Variants in RNF157 observed in about 807,000 individuals in gnomAD.
The protein encoded by RNF157 is E3 ubiquitin ligase RNF157.
In RNF157, 55 loss-of-function variants were observed where a neutral mutation model predicts 88.3. That is an observed-to-expected ratio of 0.62 (90% CI 0.50 to 0.78). The LOEUF is 0.78. Among genes scored for constraint, RNF157 ranks in the 30% least tolerant of loss-of-function variants. The pLI is 0.00. For synonymous variants in RNF157, 334 were observed against 341.2 expected (o/e 0.98, Z 0.23); for missense variants, 788 against 860.8 (o/e 0.92, Z 1.06).
chr17:76,161,757 C>T lies in RNF157; in HGVS notation c.952+86G>A. The T allele has an allele frequency of 6.5e-7, 1 of 1,550,166 alleles. No homozygotes were observed. The highest frequency in any genetic ancestry group is 8.8e-7 in the Non-Finnish European group (1 of 1,132,494). ...CCAGCGCGCATCCGTTTGTCAGATCCAGCAGCAGCACATGCTTCAGTGTTT... is the reference window on the plus strand; with the variant it reads ...CCAGCGCGCATCCGTTTGTCAGATCTAGCAGCAGCACATGCTTCAGTGTTT... On this transcript the variant is annotated intron_variant, in intron 10 of 18. Coordinates refer to ENST00000269391, the MANE Select transcript of RNF157 (RefSeq NM_052916.3). This position sits in a 1 kb window ranked among gnomAD's most constrained non-coding sequence, Gnocchi z 4.6.
At chr17:76,171,189 G>A (rs1451753436) in intron 3 of RNF157, among the ~76,000 whole-genome samples, 4 of 148,954 alleles carry the variant, frequency 2.7e-5, no homozygotes, top group African/African-American at 1.0e-4. Context: ...ACTGCACCGG[G>A]CCTTATTTTT....
intron 8 of RNF157, 66 bp from the exon 9 acceptor site, chr17:76,162,689 C>A: frequency 8.7e-7 from 1 of 1,153,174 alleles, no homozygotes; most frequent in Non-Finnish European, 1.2e-6. Context: ...TGGGAACTCC[C>A]TCCAATCTTA....
At chr17:76,207,301 T>G (rs917732335) in intron 2 of RNF157, among the ~76,000 whole-genome samples, 4 of 152,166 alleles carry the variant, frequency 2.6e-5, no homozygotes, top group Non-Finnish European at 5.9e-5. Context: ...CATGCACCTT[T>G]ATTCCCAGCT....
chr17:76,160,617 A>G lies in RNF157; in HGVS notation c.1065+918T>C, dbSNP rs2068833177. Among the ~76,000 whole-genome samples, 2 of 152,162 alleles carry G rather than the reference A, an allele frequency of 1.3e-5. No individual in the cohort carries two copies. Among genetic ancestry groups the G allele is most frequent in the Admixed American group, 1.3e-4 (2 of 15,270 alleles). ...GCCCTTTTATCTACTGTTTTATTCA[A>G]TATGAACTATGGCAAAGACATTAGC... is the stretch of plus-strand genomic sequence containing the variant. On this transcript the variant is annotated intron_variant, in intron 11 of 18. Coordinates refer to ENST00000269391, the MANE Select transcript of RNF157 (RefSeq NM_052916.3). The surrounding 1 kb of genome is among the most constrained non-coding windows in gnomAD (Gnocchi z 4.3).
At chr17:76,205,815 A>C (rs766453306) in intron 2 of RNF157, among the ~76,000 whole-genome samples, 11 of 152,174 alleles carry the variant, frequency 7.2e-5, no homozygotes, top group Non-Finnish European at 1.6e-4. Flanking sequence ...AGGAAGAAGA[A>C]ACTGTGTCAA....
chr17:76,146,321 A>G lies in RNF157; in HGVS notation c.1922-968T>C. On this transcript the variant is annotated intron_variant, in intron 18 of 18. Transcript: ENST00000269391. The surrounding 1 kb of genome is among the most constrained non-coding windows in gnomAD (Gnocchi z 4.2). ...ACGGGCTTGCTGTGAGGACTAGATG[A>G]GAGAATGCGAGCGTTGGTGAGTATC... 6.1e-6 allele frequency: 6 copies of G among 984,546 alleles called. No homozygotes were observed. Among genetic ancestry groups the G allele is most frequent in the Non-Finnish European group, 7.2e-6 (6 of 829,140 alleles). 61.0% of individuals were successfully genotyped at this position (984,546 alleles called of 1,614,324 possible).
intron 18 of RNF157, chr17:76,147,505 C>T (rs1438562902): frequency 1.7e-5 from 3 of 174,338 alleles, no homozygotes; most frequent in African/African-American, 7.1e-5. Flanking sequence ...CAAACTCCAA[C>T]CTTCTATTCT....
intron 2 of RNF157, among the ~76,000 whole-genome samples, chr17:76,174,211 G>A (rs1323174864): frequency 6.6e-6 from 1 of 152,200 alleles, no homozygotes; most frequent in Non-Finnish European, 1.5e-5. Flanking sequence ...AGGCCATGCG[G>A]TATCCCAGGA....
At chr17:76,164,879 G>T in intron 7 of RNF157, 84 bp from the exon 8 acceptor site, 1 of 961,482 alleles carries the variant, frequency 1.0e-6, no homozygotes, top group Non-Finnish European at 1.6e-6. Flanking sequence ...CCCAGTTACA[G>T]TCGCCCTCCC....
intron 2 of RNF157, among the ~76,000 whole-genome samples, chr17:76,180,015 T>C (rs575306140): frequency 3.3e-5 from 5 of 152,348 alleles, no homozygotes; most frequent in African/African-American, 9.6e-5. Context: ...GTCTTTCTGA[T>C]GTAAGCATCC....
At chr17:76,151,433 T>A (rs1450384429) in intron 18 of RNF157, among the ~76,000 whole-genome samples, 1 of 152,198 alleles carries the variant, frequency 6.6e-6, no homozygotes, top group African/African-American at 2.4e-5. Flanking sequence ...GCCACGTCGC[T>A]GAGCGAGTAA....
rs971359344 is a variant in RNF157 at position 76,146,325 on chromosome 17, A to G, written c.1922-972T>C. 1 of 984,840 alleles carries G rather than the reference A, an allele frequency of 1.0e-6. No homozygotes were observed. The highest frequency in any genetic ancestry group is 1.2e-6 in the Non-Finnish European group (1 of 829,564). 61.0% of individuals were successfully genotyped at this position (984,840 alleles called of 1,614,324 possible). A position where few individuals can be genotyped will look rare whatever the true frequency, so the allele number is the denominator to read the frequency against. ...GCTTGCTGTGAGGACTAGATGAGAG[A>G]ATGCGAGCGTTGGTGAGTATCTGAC... On this transcript the variant is annotated intron_variant, in intron 18 of 18. Transcript: ENST00000269391. This position sits in a 1 kb window ranked among gnomAD's most constrained non-coding sequence, Gnocchi z 4.2.
chr17:76,218,116 A>C (rs575303818), intron 1 of RNF157, among the ~76,000 whole-genome samples: 2 of 152,328 alleles, frequency 1.3e-5, no homozygotes, highest in South Asian at 2.1e-4. Flanking sequence ...TCAAGAAAAA[A>C]AACCAAAAGG....
chr17:76,175,925 G>A, intron 2 of RNF157: 1 of 358,384 alleles, frequency 2.8e-6, no homozygotes. Context: ...TAAGCTATTT[G>A]GCTCTTAAGG....
chr17:76,231,319 T>C (rs2070188904), intron 1 of RNF157, among the ~76,000 whole-genome samples: 1 of 152,178 alleles, frequency 6.6e-6, no homozygotes. Flanking sequence ...TTTAATTGGG[T>C]GGTTTGTCTC....
At chr17:76,156,396 G>A (rs1040406779) in intron 13 of RNF157, 75 bp from the exon 14 acceptor site, 121 of 1,598,998 alleles carry the variant, frequency 7.6e-5, no homozygotes, top group Admixed American at 1.2e-4. Flanking sequence ...GGGTCAGGGC[G>A]GAGGTCTGGG....
Position 76,210,009 on chromosome 17 carries a change from C to T in RNF157, c.207+2355G>A, listed in dbSNP as rs960904066. On this transcript the variant is annotated intron_variant, in intron 2 of 18. Transcript: ENST00000269391. ...TCTTGACCTTGTGATCCGCCCGCCT[C>T]GGCCTCCCAGAGTGCTGGGATTACA... 4.6e-5 allele frequency among the ~76,000 whole-genome samples: 7 copies of T among 152,148 alleles called. No individual in the cohort carries two copies. In the East Asian group the frequency reaches 5.8e-4, roughly 13 times the overall value.
At chr17:76,210,488 G>T (rs1441074153) in intron 2 of RNF157, among the ~76,000 whole-genome samples, 5 of 147,972 alleles carry the variant, frequency 3.4e-5, no homozygotes, top group Non-Finnish European at 7.4e-5. Context: ...TACTCAGGAG[G>T]CTGAGGCAGG....
chr17:76,232,137 C>CTT (rs1340225212), intron 1 of RNF157, among the ~76,000 whole-genome samples: 1 of 152,174 alleles, frequency 6.6e-6, no homozygotes, highest in Non-Finnish European at 1.5e-5. Context: ...AATTCCTGCA[C>CTT]TTTGAGAGGC....
Sources: allele counts gnomAD v4.1 joint callset (sites outside exome capture counted in the v4.1 genomes callset), GRCh38; gene constraint gnomAD v4.1.1; non-coding constraint Gnocchi (gnomAD v3.1); transcripts MANE v1.5; gene names NCBI Gene and HGNC (gene_info 2026-07-23, HGNC 2026-07-21).